DPP6: variants seen among roughly 807,000 people sequenced by gnomAD.
DPP6 encodes the protein A-type potassium channel modulatory protein DPP6.
DPP6 carries 69 observed loss-of-function variants against 122.6 expected under a neutral mutation model. The observed-to-expected ratio is 0.56, with a 90% CI of 0.46 to 0.69. The LOEUF (loss-of-function observed/expected upper bound fraction) is 0.69. Among genes scored for constraint, DPP6 ranks in the 30% least tolerant of loss-of-function variants. DPP6 has a pLI of 0.00. For synonymous variants in DPP6, 418 were observed against 433.1 expected (o/e 0.97, Z 0.43); for missense variants, 928 against 1,116.9 (o/e 0.83, Z 2.41).
At chr7:154,761,234 C>G (rs987940734) in intron 8 of DPP6, among the ~76,000 whole-genome samples, 2 of 152,254 alleles carry the variant, frequency 1.3e-5, no homozygotes, top group African/African-American at 4.8e-5. Context: ...CTCCTCTGCT[C>G]TGCACCAACT....
At chr7:154,866,456 C>T (rs1405754361) in intron 17 of DPP6, among the ~76,000 whole-genome samples, 2 of 152,212 alleles carry the variant, frequency 1.3e-5, no homozygotes, top group African/African-American at 2.4e-5. Context: ...CCCTAACTCA[C>T]GTGCATGCCT....
At chr7:154,832,558 C>T (rs184803361) in intron 16 of DPP6, among the ~76,000 whole-genome samples, 6 of 152,262 alleles carry the variant, frequency 3.9e-5, no homozygotes, top group East Asian at 1.9e-4. Context: ...ACACTCGTTA[C>T]GTCTCACGCG....
At chr7:154,478,892 C>G (rs924596797) in intron 3 of DPP6, among the ~76,000 whole-genome samples, 1 of 152,110 alleles carries the variant, frequency 6.6e-6, no homozygotes, top group South Asian at 2.1e-4. Flanking sequence ...TTACAAAATA[C>G]GCAAGAGATG....
chr7:154,517,394 A>G (rs1364320317), intron 3 of DPP6, among the ~76,000 whole-genome samples: 2 of 152,194 alleles, frequency 1.3e-5, no homozygotes, highest in African/African-American at 4.8e-5. Context: ...TTGAGCACCC[A>G]GCACGGTGTC....
At chr7:153,996,667 C>T (rs1327073145) in intron 1 of DPP6, among the ~76,000 whole-genome samples, 1 of 151,978 alleles carries the variant, frequency 6.6e-6, no homozygotes, top group African/African-American at 2.4e-5. Context: ...TTGCAGCCCT[C>T]TTGAATAATG....
chr7:154,559,995 A>G (rs1361327356), intron 4 of DPP6, among the ~76,000 whole-genome samples: 2 of 148,668 alleles, frequency 1.3e-5, no homozygotes, highest in Non-Finnish European at 3.0e-5. Flanking sequence ...AAACATATAT[A>G]TATAAAGATA....
intron 1 of DPP6, among the ~76,000 whole-genome samples, chr7:154,197,467 C>G (rs990832726): frequency 6.6e-6 from 1 of 152,150 alleles, no homozygotes; most frequent in African/African-American, 2.4e-5. Flanking sequence ...CACAAATATT[C>G]AGGTAGAAGA....
intron 1 of DPP6, among the ~76,000 whole-genome samples, chr7:154,392,623 C>G (rs909868132): frequency 6.6e-6 from 1 of 152,070 alleles, no homozygotes; most frequent in Non-Finnish European, 1.5e-5. Context: ...GTTTTTGAAT[C>G]GGGAGTTGAA....
chr7:153,944,459 T>A (rs951505589), intron 1 of DPP6, among the ~76,000 whole-genome samples: 2 of 151,926 alleles, frequency 1.3e-5, no homozygotes, highest in African/African-American at 4.8e-5. Context: ...GAAGAGCGTG[T>A]TGGGGACTGC....
intron 1 of DPP6, among the ~76,000 whole-genome samples, chr7:154,017,828 AT>A (rs943825713): frequency 6.6e-6 from 1 of 151,808 alleles, no homozygotes; most frequent in African/African-American, 2.4e-5. Context: ...CCATTTGCTA[AT>A]CCATAGATAC....
At chr7:153,767,996 A>G in the DPP6 span, among the ~76,000 whole-genome samples, 2 of 152,108 alleles carry the variant, frequency 1.3e-5, no homozygotes, top group Non-Finnish European at 2.9e-5. Flanking sequence ...AATATCTGAA[A>G]TAGAAGGCTC....
chr7:154,669,010 G>A (rs1838375354), intron 6 of DPP6, among the ~76,000 whole-genome samples: 1 of 152,174 alleles, frequency 6.6e-6, no homozygotes, highest in Admixed American at 6.5e-5. Flanking sequence ...TACAAATTGT[G>A]GAGGTAGATC....
Position 154,450,396 on chromosome 7 carries a change from T to C in DPP6, c.358+4068T>C, listed in dbSNP as rs2151296705. ...TTTTAAAAACACTGAATTGTATACA[T>C]TAAAAAGATGAACTTTATGATATGT... On this transcript the variant is annotated intron_variant, in intron 2 of 25. Transcript: ENST00000377770. 2.6e-5 allele frequency among the ~76,000 whole-genome samples: 4 copies of C among 152,348 alleles called. No homozygotes were observed. In the South Asian group the frequency reaches 8.3e-4, roughly 32 times the overall value.
At chr7:154,493,617 A>G (rs1824478112) in intron 3 of DPP6, among the ~76,000 whole-genome samples, 1 of 152,232 alleles carries the variant, frequency 6.6e-6, no homozygotes, top group Admixed American at 6.5e-5. Context: ...AAATGAAAAT[A>G]CCATTTAATG....
At chr7:154,021,887 C>T (rs930485118) in intron 1 of DPP6, among the ~76,000 whole-genome samples, 1 of 152,198 alleles carries the variant, frequency 6.6e-6, no homozygotes, top group African/African-American at 2.4e-5. Context: ...TTCAAATGCT[C>T]ATCTTTTCTA....
intron 6 of DPP6, 147 bp from the exon 7 acceptor site, chr7:154,669,213 A>T: frequency 1.6e-6 from 2 of 1,216,130 alleles, no homozygotes; most frequent in Non-Finnish European, 2.3e-6. Flanking sequence ...GAGACATATT[A>T]CTTAGTAACA....
intron 8 of DPP6, among the ~76,000 whole-genome samples, chr7:154,748,500 C>T (rs1049815037): frequency 1.3e-5 from 2 of 152,216 alleles, no homozygotes; most frequent in Non-Finnish European, 2.9e-5. Context: ...TTGCCAACAC[C>T]CGCGGCACTA....
the DPP6 span, among the ~76,000 whole-genome samples, chr7:153,811,954 G>A: frequency 6.6e-6 from 1 of 152,150 alleles, no homozygotes; most frequent in Non-Finnish European, 1.5e-5. Flanking sequence ...TGGCAGTTGA[G>A]ATCAGAGGGA....
intron 1 of DPP6, among the ~76,000 whole-genome samples, chr7:154,215,989 C>T (rs763318388): frequency 3.9e-5 from 6 of 151,986 alleles, no homozygotes; most frequent in Admixed American, 1.3e-4. Flanking sequence ...AGAGGGCAGT[C>T]GTGGGCCCAG....
Sources: gnomAD v4.1 joint callset for allele counts (sites outside exome capture counted in the v4.1 genomes callset) on GRCh38, gnomAD v4.1.1 for gene constraint, MANE v1.5 for transcripts, NCBI Gene and HGNC (gene_info 2026-07-23, HGNC 2026-07-21) for gene names.